The following ADGRG1 variants were observed in gnomAD, a reference collection of about 807,000 sequenced individuals.
ADGRG1 encodes the protein adhesion G protein-coupled receptor G1, also known as 7-transmembrane protein with no EGF-like N-terminal domains-1.
ADGRG1 carries 53 observed loss-of-function variants against 73.5 expected under a neutral mutation model. The observed-to-expected ratio is 0.72, with a 90% CI of 0.58 to 0.91. ADGRG1 has a LOEUF of 0.91. Among genes scored for constraint, ADGRG1 ranks in the 40% least tolerant of loss-of-function variants. ADGRG1 has a pLI of 0.00. For missense variants in ADGRG1, 795 were observed against 871.8 expected, an observed-to-expected ratio of 0.91 and a Z score of 1.11; for synonymous variants, 394 against 374.4, an observed-to-expected ratio of 1.05 and a Z score of -0.60.
At chr16:57,653,935 G>T in intron 4 of ADGRG1, 51 bp from the exon 5 acceptor site, 1 of 1,611,544 alleles carries the variant, frequency 6.2e-7, no homozygotes, top group Non-Finnish European at 8.5e-7. Flanking sequence ...CAGTCTCCCT[G>T]GTGGCCCGGC....
intron 1 of ADGRG1, among the ~76,000 whole-genome samples, chr16:57,644,642 A>G (rs2041929153): frequency 6.8e-6 from 1 of 147,280 alleles, no homozygotes; most frequent in African/African-American, 2.5e-5. Context: ...ACACTCATGC[A>G]TGGGCACGCA....
At position 57,634,427 on chromosome 16, in the gene ADGRG1, G is replaced by A. The variant is rs950841202; in HGVS notation, c.-36+5625G>A. ...CTGGGCACGGGCCAAACAGTTCAGG[G>A]GCGACTCACAGCCCAAACTTCCGCC... On this transcript the variant is annotated intron_variant, in intron 1 of 13. Coordinates refer to ENST00000562631, the MANE Select transcript of ADGRG1 (RefSeq NM_201525.4). 12 of 985,328 alleles carry A rather than the reference G, an allele frequency of 1.2e-5. No homozygotes were observed. In the African/African-American group the frequency reaches 2.1e-4, roughly 17 times the overall value. 61.0% of individuals were successfully genotyped at this position (985,328 alleles called of 1,614,324 possible). A position where few individuals can be genotyped will look rare whatever the true frequency, so the allele number is the denominator to read the frequency against.
Position 57,663,659 on chromosome 16 carries a change from C to T in ADGRG1, c.*77C>T. The T allele has an allele frequency of 1.3e-6, 2 of 1,497,082 alleles. No individual in the cohort carries two copies. Among genetic ancestry groups the T allele is most frequent in the Non-Finnish European group, 1.8e-6 (2 of 1,087,134 alleles). The allele number at this position is 1,497,082 out of a possible 1,614,324, so 92.7% of individuals were successfully genotyped here. A position where few individuals can be genotyped will look rare whatever the true frequency, so the allele number is the denominator to read the frequency against. ...CACTGCCTGTGGCCCCCGAGCCCGG[C>T]CCAGCCCCAGGCCAGTCAGCCGCAG... On this transcript the variant is annotated 3_prime_UTR_variant, in exon 14 of 14. Transcript: ENST00000562631.
intron 8 of ADGRG1, 64 bp downstream of exon 8, chr16:57,656,335 G>T (rs535589794): frequency 6.2e-7 from 1 of 1,609,584 alleles, no homozygotes; most frequent in South Asian, 1.1e-5. Flanking sequence ...CCTGGGGGGT[G>T]GGGGAGGTGG....
chr16:57,633,488 T>G, intron 1 of ADGRG1: 1 of 985,324 alleles, frequency 1.0e-6, no homozygotes, highest in Non-Finnish European at 1.2e-6. Flanking sequence ...AGACCTTTGC[T>G]TTTCCATCCC....
chr16:57,627,144 T>C, upstream of ADGRG1: 14 of 967,178 alleles, frequency 1.4e-5, no homozygotes, highest in Non-Finnish European at 1.7e-5. Flanking sequence ...CCTTCCTTTC[T>C]GCAGCTTGAT....
intron 1 of ADGRG1, chr16:57,636,347 G>T (rs1410785611): frequency 1.0e-6 from 1 of 985,284 alleles, no homozygotes; most frequent in Non-Finnish European, 1.2e-6. Context: ...CATAGGAAAG[G>T]CATGCGCTCC....
At chr16:57,652,922 G>A (rs2044467053) in intron 3 of ADGRG1, 3 of 1,297,538 alleles carry the variant, frequency 2.3e-6, no homozygotes, top group South Asian at 1.5e-5. Flanking sequence ...CTCCGTGTGT[G>A]TAGCCGAAGG....
intron 1 of ADGRG1, chr16:57,630,578 C>T (rs1024964771): frequency 7.6e-5 from 73 of 964,200 alleles, no homozygotes; most frequent in South Asian, 1.9e-4. Context: ...TGATCTGTGA[C>T]GGACAGGCTG....
At chr16:57,642,074 A>T in intron 1 of ADGRG1, 2 of 985,192 alleles carry the variant, frequency 2.0e-6, no homozygotes, top group Non-Finnish European at 2.4e-6. Flanking sequence ...ATTCTAAGAG[A>T]CTTTGATTCT....
chr16:57,622,518 T>C (rs548815799), intron 2 of ADGRG1, among the ~76,000 whole-genome samples: 1 of 152,128 alleles, frequency 6.6e-6, no homozygotes, highest in African/African-American at 2.4e-5. Context: ...GTGTAGAGTC[T>C]CACCGAAGAA....
At chr16:57,647,527 TTGAG>T in intron 1 of ADGRG1, 1 of 721,928 alleles carries the variant, frequency 1.4e-6, no homozygotes, top group Non-Finnish European at 1.7e-6. Context: ...ACAATGACCT[TTGAG>T]TGAGGTTGAC....
At chr16:57,646,524 G>A (rs1169985638) in intron 1 of ADGRG1, 22 of 985,308 alleles carry the variant, frequency 2.2e-5, no homozygotes, top group Non-Finnish European at 2.7e-5. Context: ...GGCTGCTCTG[G>A]AAGCTGGGGG....
At position 57,661,753 on chromosome 16, in the gene ADGRG1, T is replaced by C. The variant is rs2047148988; in HGVS notation, c.1721T>C (p.Leu574Pro). 6 of 1,614,194 alleles carry C rather than the reference T, an allele frequency of 3.7e-6. No individual in the cohort carries two copies. Among genetic ancestry groups the C allele is most frequent in the South Asian group, 2.2e-5 (2 of 91,086 alleles). The change falls in exon 13 of 14, where the codon CTG (leucine) becomes CCG (proline). Residue 574 changes from leucine to proline, a missense_variant. Transcript: ENST00000562631. ...SYITNLGLFSLVFLFNMAMLA... is the reference protein window; with the variant it reads ...SYITNLGLFSPVFLFNMAMLA... ...ATCACCAACCTGGGCCTCTTCAGCC[T>C]GGTGTTTCTGTTCAACATGGCCATG...
rs1350370679 is a variant in ADGRG1 at position 57,653,305 on chromosome 16, C to T, written c.590C>T (p.Ser197Leu). The T allele has an allele frequency of 6.2e-7, 1 of 1,611,812 alleles. No homozygotes were observed. Among genetic ancestry groups the T allele is most frequent in the African/African-American group, 1.3e-5 (1 of 75,044 alleles). ...TTCCTGAAGCATCCCCAGAAGGCCT[C>T]AAGGAGGCCCTCGGCTGCCCCCGCC... ...SQFLKHPQKA[S>L]RRPSAAPASQ... Residue 197 changes from serine (S) to leucine (L), a missense_variant, in exon 4 of 14, where the codon TCA becomes TTA. Ser to Leu is a moderately radical substitution (Grantham distance 145). Transcript: ENST00000562631.
At chr16:57,627,989 G>T, upstream of ADGRG1, 1 of 985,252 alleles carries the variant, frequency 1.0e-6, no homozygotes, top group Non-Finnish European at 1.2e-6. Flanking sequence ...AAGCCCCTGG[G>T]GTCTCAGAAT....
chr16:57,653,319 G>T lies in ADGRG1; in HGVS notation c.604G>T (p.Ala202Ser). Residue 202 changes from alanine (A) to serine (S), a missense_variant, in exon 4 of 14, where the codon GCT (alanine) becomes TCT (serine). By Grantham distance (99) the Ala-to-Ser change is moderately conservative. Coordinates refer to ENST00000562631, the MANE Select transcript of ADGRG1 (RefSeq NM_201525.4). ...HPQKASRRPS[A>S]APASQQLQSL... is the part of the protein sequence containing the mutation. ...CCAGAAGGCCTCAAGGAGGCCCTCGGCTGCCCCCGCCAGCCAGTAAGTTTG... is the reference window on the plus strand; with the variant it reads ...CCAGAAGGCCTCAAGGAGGCCCTCGTCTGCCCCCGCCAGCCAGTAAGTTTG... The T allele has an allele frequency of 6.2e-7, 1 of 1,609,018 alleles. No homozygotes were observed.
At chr16:57,635,011 G>T in intron 1 of ADGRG1, 1 of 985,376 alleles carries the variant, frequency 1.0e-6, no homozygotes, top group African/African-American at 1.7e-5. Context: ...AGCTCAGTGG[G>T]CTGGATGGGA....
intron 10 of ADGRG1, 56 bp from the exon 11 acceptor site, chr16:57,659,357 C>T (rs1479594730): frequency 1.2e-6 from 2 of 1,610,880 alleles, no homozygotes; most frequent in Non-Finnish European, 1.7e-6. Context: ...GAGATGTGGG[C>T]ACACTCCCCT....
Sources: allele counts gnomAD v4.1 joint callset (sites outside exome capture counted in the v4.1 genomes callset), GRCh38; gene constraint gnomAD v4.1.1; transcripts MANE v1.5; gene names NCBI Gene and HGNC (gene_info 2026-07-23, HGNC 2026-07-21).